Variants in CADM1 observed in about 807,000 individuals in gnomAD.
CADM1 encodes the protein TSLC-1.
CADM1 carries 15 observed loss-of-function variants against 53.1 expected under a neutral mutation model. That is an observed-to-expected ratio of 0.28 (90% confidence interval 0.19 to 0.44). The LOEUF (loss-of-function observed/expected upper bound fraction) is 0.44, where lower values mean the gene tolerates loss of function less well. CADM1 is among the 20% of genes least tolerant of loss of function. The probability of loss-of-function intolerance (pLI) is 1.00; values close to 1 mark genes in which losing one functional copy is unlikely to be tolerated. For synonymous variants in CADM1, 281 were observed against 243.0 expected (o/e 1.16, Z -1.45); for missense variants, 434 against 611.3 (o/e 0.71, Z 3.06).
intron 3 of CADM1, among the ~76,000 whole-genome samples, chr11:115,236,187 C>T (rs1942004282): frequency 6.6e-6 from 1 of 152,214 alleles, no homozygotes; most frequent in East Asian, 1.9e-4. Context: ...TGTAAGTACG[C>T]ATGGAGTCCT....
intron 1 of CADM1, among the ~76,000 whole-genome samples, chr11:115,488,426 C>T (rs887972417): frequency 1.3e-5 from 2 of 152,202 alleles, no homozygotes; most frequent in Admixed American, 1.3e-4. Context: ...GTAGGCATCA[C>T]TTATGACAGT....
intron 10 of CADM1, among the ~76,000 whole-genome samples, chr11:115,185,766 G>C (rs1201297672): frequency 6.6e-6 from 1 of 152,182 alleles, no homozygotes; most frequent in Non-Finnish European, 1.5e-5. Context: ...GATGACACCA[G>C]AGTTTCCCTT....
chr11:115,412,159 G>A lies in CADM1; in HGVS notation c.124+92112C>T, dbSNP rs544428062. ...AATCCTGAATCTGCTTTTATAAACA[G>A]CTTTATGAAGCAAATTTAAGTATTT... On this transcript the variant is annotated intron_variant, in intron 1 of 11. Transcript: ENST00000331581. Among the ~76,000 whole-genome samples, 3 of 152,186 alleles carry A rather than the reference G, an allele frequency of 2.0e-5. No individual in the cohort carries two copies. In the South Asian group the frequency reaches 6.2e-4, roughly 32 times the overall value.
At chr11:115,370,669 C>T (rs979843747) in intron 1 of CADM1, among the ~76,000 whole-genome samples, 1 of 152,080 alleles carries the variant, frequency 6.6e-6, no homozygotes, top group East Asian at 1.9e-4. Flanking sequence ...AATACATTTC[C>T]GTTGTTTAAG....
intron 3 of CADM1, among the ~76,000 whole-genome samples, chr11:115,233,544 G>T (rs1253766734): frequency 6.6e-6 from 1 of 152,070 alleles, no homozygotes; most frequent in Non-Finnish European, 1.5e-5. Flanking sequence ...AAATACTACT[G>T]CATTCTGAGT....
At chr11:115,384,589 T>G (rs1946654292) in intron 1 of CADM1, among the ~76,000 whole-genome samples, 1 of 152,212 alleles carries the variant, frequency 6.6e-6, no homozygotes, top group Non-Finnish European at 1.5e-5. Flanking sequence ...AAATCAAGTT[T>G]GAAGAACACA....
At chr11:115,247,409 G>A (rs1942442315) in intron 1 of CADM1, among the ~76,000 whole-genome samples, 1 of 152,066 alleles carries the variant, frequency 6.6e-6, no homozygotes, top group South Asian at 2.1e-4. Flanking sequence ...ATTCAAAGGA[G>A]GACATTAATT....
At chr11:115,370,532 C>A (rs1048111924) in intron 1 of CADM1, among the ~76,000 whole-genome samples, 17 of 152,126 alleles carry the variant, frequency 1.1e-4, no homozygotes, top group African/African-American at 3.9e-4. Flanking sequence ...ATGTTCATGT[C>A]CAAAGAAGAG....
intron 8 of CADM1, among the ~76,000 whole-genome samples, chr11:115,200,239 T>C (rs1940355395): frequency 6.6e-6 from 1 of 152,118 alleles, no homozygotes; most frequent in Middle Eastern, 3.2e-3. Context: ...TAAAAAACAA[T>C]AAACTGTACA....
chr11:115,279,606 A>G (rs115248837), intron 1 of CADM1, among the ~76,000 whole-genome samples: 268 of 152,330 alleles, frequency 1.8e-3, no homozygotes, highest in African/African-American at 6.0e-3. Flanking sequence ...TTCTAAAGAA[A>G]AACATTTAAG....
intron 1 of CADM1, among the ~76,000 whole-genome samples, chr11:115,325,340 A>G (rs1326155245): frequency 1.3e-5 from 2 of 152,136 alleles, no homozygotes; most frequent in Non-Finnish European, 2.9e-5. Context: ...TCAGTCATCA[A>G]TAAGGGTCCT....
At chr11:115,457,018 A>G (rs549877600) in intron 1 of CADM1, among the ~76,000 whole-genome samples, 1 of 152,162 alleles carries the variant, frequency 6.6e-6, no homozygotes, top group Non-Finnish European at 1.5e-5. Flanking sequence ...TTGTTAACAT[A>G]GTACCTAAGT....
At chr11:115,291,108 G>A (rs1370331006) in intron 1 of CADM1, among the ~76,000 whole-genome samples, 4 of 152,182 alleles carry the variant, frequency 2.6e-5, no homozygotes, top group Admixed American at 1.3e-4. Flanking sequence ...AGGAGGCTCT[G>A]TGGAGTGGCG....
chr11:115,286,180 G>A (rs190744485), intron 1 of CADM1, among the ~76,000 whole-genome samples: 33 of 152,178 alleles, frequency 2.2e-4, no homozygotes, highest in Non-Finnish European at 3.8e-4. Flanking sequence ...ATTAGCAAAC[G>A]AAATTGCTAC....
chr11:115,367,237 T>C (rs1591752132), intron 1 of CADM1, among the ~76,000 whole-genome samples: 1 of 152,166 alleles, frequency 6.6e-6, no homozygotes, highest in East Asian at 1.9e-4. Flanking sequence ...AAAATAATCA[T>C]CATATATGTA....
At chr11:115,427,890 C>T (rs771488130) in intron 1 of CADM1, among the ~76,000 whole-genome samples, 2 of 151,236 alleles carry the variant, frequency 1.3e-5, no homozygotes, top group Non-Finnish European at 2.9e-5. Flanking sequence ...GCCTGCAGTC[C>T]CAGCTGCTCC....
At chr11:115,268,418 C>A (rs1943206214) in intron 1 of CADM1, among the ~76,000 whole-genome samples, 1 of 152,146 alleles carries the variant, frequency 6.6e-6, no homozygotes, top group Admixed American at 6.5e-5. Context: ...AACCAATCCT[C>A]ACCACCACAA....
chr11:115,300,781 T>A (rs1401296915), intron 1 of CADM1, among the ~76,000 whole-genome samples: 2 of 152,234 alleles, frequency 1.3e-5, no homozygotes, highest in East Asian at 1.9e-4. Flanking sequence ...TCATCACTGA[T>A]TATGATCATC....
At chr11:115,480,172 A>G (rs1310490616) in intron 1 of CADM1, among the ~76,000 whole-genome samples, 3 of 152,186 alleles carry the variant, frequency 2.0e-5, no homozygotes, top group Admixed American at 2.0e-4. Flanking sequence ...AAGTCTATTT[A>G]TTTTTAGCAT....
Sources: gnomAD v4.1 joint callset for allele counts (sites outside exome capture counted in the v4.1 genomes callset) on GRCh38, gnomAD v4.1.1 for gene constraint, MANE v1.5 for transcripts, NCBI Gene and HGNC (gene_info 2026-07-23, HGNC 2026-07-21) for gene names.